The following PHLDB2 variants were observed in gnomAD, a reference collection of about 807,000 sequenced individuals.
PHLDB2 encodes the protein pleckstrin homology like domain family B member 2, also known as pleckstrin homology-like domain family B member 2.
Under a neutral mutation model 123.6 loss-of-function variants are expected in PHLDB2, and 71 were observed. That is an observed-to-expected ratio of 0.57 (90% CI 0.47 to 0.70). The LOEUF (loss-of-function observed/expected upper bound fraction) is 0.70, where lower values mean the gene tolerates loss of function less well. Ranked by LOEUF, PHLDB2 falls within the 30% of genes least tolerant of loss-of-function variation. PHLDB2 has a pLI of 0.00. For synonymous variants in PHLDB2, 547 were observed against 541.6 expected, an observed-to-expected ratio of 1.01 and a Z score of -0.14; for missense variants, 1,446 against 1,519.5, an observed-to-expected ratio of 0.95 and a Z score of 0.80.
At chr3:111,838,955 C>A (rs1306372006) in intron 1 of PHLDB2, among the ~76,000 whole-genome samples, 1 of 152,074 alleles carries the variant, frequency 6.6e-6, no homozygotes, top group Non-Finnish European at 1.5e-5. Flanking sequence ...CATCATTTAA[C>A]ATATTTCTAT....
rs116362764 is a variant in PHLDB2 at position 111,963,879 on chromosome 3, C to T, written c.3077+1567C>T. On this transcript the variant is annotated intron_variant, in intron 13 of 17. Coordinates refer to ENST00000431670, the MANE Select transcript of PHLDB2 (RefSeq NM_001134438.2). Reference sequence around the variant, plus strand: ...AGGATGCTTTATCAAAATACACATTCCAAACATTGGTTCCTCATTACCTGC... The same window carrying T: ...AGGATGCTTTATCAAAATACACATTTCAAACATTGGTTCCTCATTACCTGC... Among the ~76,000 whole-genome samples the T allele has an allele frequency of 3.3e-3, 499 of 152,274 alleles. 2 individuals carry two copies. The highest frequency in any genetic ancestry group is 4.6e-3 in the Non-Finnish European group (315 of 68,018).
chr3:111,834,220 A>ATATATATAATAGAAT (rs2063264462), intron 1 of PHLDB2, among the ~76,000 whole-genome samples: 1 of 22,914 alleles, frequency 4.4e-5, no homozygotes, highest in Non-Finnish European at 8.7e-5. Flanking sequence ...TAATAGAATT[A>ATATATATAATAGAAT]TATATATATT....
In PHLDB2 at chr3:111,884,753, CA is replaced by C; in HGVS notation, c.677del (p.His226ProfsTer11). 1 of 1,614,062 alleles carries C rather than the reference CA, an allele frequency of 6.2e-7. No individual in the cohort carries two copies. Among genetic ancestry groups the C allele is most frequent in the Non-Finnish European group, 8.5e-7 (1 of 1,180,012 alleles). ...SLALQPKLTR[H>X]KELASENINL... ...GGCGCTTCAACCCAAGTTAACTAGA[CA>C]CAAGGAGCTTGCATCTGAAAACATC... On this transcript the variant is annotated frameshift_variant, in exon 2 of 18. Coordinates refer to ENST00000431670, the MANE Select transcript of PHLDB2 (RefSeq NM_001134438.2). LOFTEE classifies it high-confidence loss of function.
At chr3:111,860,395 C>A (rs1407782574) in intron 1 of PHLDB2, among the ~76,000 whole-genome samples, 1 of 152,234 alleles carries the variant, frequency 6.6e-6, no homozygotes, top group Non-Finnish European at 1.5e-5. Flanking sequence ...TCTCGGCACC[C>A]CTAGAGATAG....
At chr3:111,874,486 G>A (rs1293056198) in intron 1 of PHLDB2, among the ~76,000 whole-genome samples, 1 of 152,156 alleles carries the variant, frequency 6.6e-6, no homozygotes, top group Non-Finnish European at 1.5e-5. Flanking sequence ...AGGGGCTGCA[G>A]ACAATCTTGT....
intron 1 of PHLDB2, among the ~76,000 whole-genome samples, chr3:111,863,855 A>T (rs905238906): frequency 3.9e-5 from 6 of 152,232 alleles, no homozygotes; most frequent in Admixed American, 2.0e-4. Context: ...AAAGTTGTAC[A>T]CCATAGCCTG....
intron 16 of PHLDB2, 21 bp from the exon 17 acceptor site, chr3:111,973,711 A>G: frequency 6.9e-7 from 1 of 1,447,120 alleles, no homozygotes; most frequent in Non-Finnish European, 9.6e-7. Context: ...TAAAGTATTT[A>G]ACACTTATCT....
intron 16 of PHLDB2, among the ~76,000 whole-genome samples, chr3:111,970,685 A>G (rs1311491943): frequency 9.9e-5 from 15 of 152,176 alleles, no homozygotes; most frequent in Non-Finnish European, 1.5e-5. Flanking sequence ...TGGATCACAT[A>G]CGAAACATGT....
At chr3:111,958,379 T>C (rs2071182533) in intron 12 of PHLDB2, 1 of 852,782 alleles carries the variant, frequency 1.2e-6, no homozygotes, top group Admixed American at 5.4e-5. Flanking sequence ...TCATCTTACT[T>C]TCTATATTAC....
chr3:111,911,683 G>A (rs1035659380), intron 2 of PHLDB2: 2 of 1,536,192 alleles, frequency 1.3e-6, no homozygotes, highest in African/African-American at 1.4e-5. Context: ...CATGAGGACG[G>A]AGCTGCAGCT....
chr3:111,739,612 A>G (rs1432341847), intron 1 of PHLDB2, among the ~76,000 whole-genome samples: 5 of 143,868 alleles, frequency 3.5e-5, no homozygotes, highest in Admixed American at 2.1e-4. Flanking sequence ...AAAAAAAACA[A>G]TGGTCACAGG....
intron 1 of PHLDB2, among the ~76,000 whole-genome samples, chr3:111,798,126 C>G (rs551083135): frequency 1.3e-5 from 2 of 151,756 alleles, no homozygotes; most frequent in African/African-American, 4.8e-5. Flanking sequence ...ACAGTGAGAC[C>G]CTATCTCAAA....
intron 1 of PHLDB2, among the ~76,000 whole-genome samples, chr3:111,768,597 A>T (rs1047759945): frequency 6.6e-6 from 1 of 152,162 alleles, no homozygotes; most frequent in African/African-American, 2.4e-5. Context: ...CTGTATGTCC[A>T]CACATCAGCC....
At chr3:111,957,514 A>T (rs1158935876) in intron 12 of PHLDB2, 1 of 152,256 alleles carries the variant, frequency 6.6e-6, no homozygotes, top group Non-Finnish European at 1.5e-5. Flanking sequence ...TGCAGGAAAC[A>T]TGAGTGCTGT....
intron 1 of PHLDB2, among the ~76,000 whole-genome samples, chr3:111,814,512 A>T (rs2061982883): frequency 6.6e-6 from 1 of 152,112 alleles, no homozygotes; most frequent in Non-Finnish European, 1.5e-5. Flanking sequence ...CAGTTCTTAA[A>T]ATAAGATTGG....
intron 1 of PHLDB2, among the ~76,000 whole-genome samples, chr3:111,737,391 G>T (rs2059527787): frequency 1.3e-5 from 2 of 152,054 alleles, no homozygotes; most frequent in African/African-American, 4.8e-5. Context: ...AATGATCTTG[G>T]TGCAGGAGAA....
chr3:111,906,382 G>C (rs1463931029), intron 2 of PHLDB2, among the ~76,000 whole-genome samples: 1 of 152,146 alleles, frequency 6.6e-6, no homozygotes, highest in Non-Finnish European at 1.5e-5. Context: ...GAGACACAAA[G>C]AAGCTAAATA....
At chr3:111,741,862 G>A (rs1177967423) in intron 1 of PHLDB2, among the ~76,000 whole-genome samples, 2 of 152,050 alleles carry the variant, frequency 1.3e-5, no homozygotes, top group Non-Finnish European at 2.9e-5. Context: ...CAAATCTCAG[G>A]CCTGGTTAAT....
Position 111,831,018 on chromosome 3 carries a change from AAAGAAAGAAAGAAAGG to A in PHLDB2, c.-48-14799_-48-14784del, listed in dbSNP as rs1396055931. On this transcript the variant is annotated intron_variant, in intron 1 of 17. Coordinates refer to the PHLDB2 transcript ENST00000393923. The stretch of plus-strand genomic sequence containing the variant: ...GAAAGAAAGAAAGAAAGAAAGAAAG[AAAGAAAGAAAGAAAGG>A]AAGGAAGGAAGAAAGAGAAAAGAGA... Among the ~76,000 whole-genome samples the A allele has an allele frequency of 1.2e-3, 141 of 115,420 alleles. 10 individuals are homozygous for A. Among genetic ancestry groups the A allele is most frequent in the African/African-American group, 5.0e-3 (127 of 25,400 alleles). The allele number at this position is 115,420 out of a possible 152,430, so 75.7% of individuals were successfully genotyped here.
Sources: allele counts gnomAD v4.1 joint callset (sites outside exome capture counted in the v4.1 genomes callset), GRCh38; gene constraint gnomAD v4.1.1; transcripts MANE v1.5; gene names NCBI Gene and HGNC (gene_info 2026-07-23, HGNC 2026-07-21).